PLA2G4D: variants seen among roughly 807,000 people sequenced by gnomAD.
The protein encoded by PLA2G4D is phospholipase A2 group IVD.
In PLA2G4D, 80 loss-of-function variants were observed where a neutral mutation model predicts 94.4. That is an observed-to-expected ratio of 0.85 (90% CI 0.71 to 1.02). PLA2G4D has a LOEUF of 1.02. Among genes scored for constraint, PLA2G4D ranks in the 50% least tolerant of loss-of-function variants. PLA2G4D has a pLI of 0.00. For missense variants in PLA2G4D, 1,050 were observed against 1,034.7 expected, an observed-to-expected ratio of 1.01 and a Z score of -0.20; for synonymous variants, 438 against 440.9, an observed-to-expected ratio of 0.99 and a Z score of 0.08.
In PLA2G4D at chr15:42,082,317, T is replaced by C; in HGVS notation, c.745A>G (p.Ile249Val). The C allele has an allele frequency of 1.2e-6, 2 of 1,614,140 alleles. No homozygotes were observed. Among genetic ancestry groups the C allele is most frequent in the Non-Finnish European group, 1.7e-6 (2 of 1,180,002 alleles). The change falls in exon 9 of 20, where the codon ATT becomes GTT. Residue 249 changes from isoleucine (I) to valine (V), a missense_variant. Transcript: ENST00000290472. ...YLTVPLRPLT[I>V]GKEVTMDVPA... ...ACATCCATAGTCACCTCCTTCCCAA[T>C]GGTCAAGGGCCTCAGGGGCACAGTG...
intron 18 of PLA2G4D, 117 bp downstream of exon 18, chr15:42,070,600 A>T: frequency 7.9e-7 from 1 of 1,272,224 alleles, no homozygotes; most frequent in South Asian, 1.5e-5. Flanking sequence ...AAGGCCTGAC[A>T]CCTCTCCTTC....
At chr15:42,070,251 C>T (rs1889777533) in intron 18 of PLA2G4D, 156 bp from the exon 19 acceptor site, 1 of 695,216 alleles carries the variant, frequency 1.4e-6, no homozygotes, top group Non-Finnish European at 2.2e-6. Flanking sequence ...GAGGGAGACC[C>T]AGGGGGAGTC....
chr15:42,072,227 A>T, intron 14 of PLA2G4D, 48 bp downstream of exon 14: 1 of 1,495,712 alleles, frequency 6.7e-7, no homozygotes, highest in Middle Eastern at 1.8e-4. Flanking sequence ...CGGGGTGCAG[A>T]GGGTTTGGGG....
At position 42,081,492 on chromosome 15, in the gene PLA2G4D, A is replaced by G; in HGVS notation, c.944T>C (p.Leu315Pro). ...GCACCCCCAGACCTCATCCTCCTGC[A>G]GGTCTCTGTCCAGCTGCAGGGCCTG... ...LKQALQLDRD[L>P]QEDEVPVVGI... is the part of the protein sequence containing the mutation. The change falls in exon 11 of 20, where the codon CTG becomes CCG. Residue 315 changes from leucine to proline, a missense_variant. Physicochemically the swap from Leu to Pro is moderately conservative, Grantham distance 98 (BLOSUM62 -3). Coordinates refer to ENST00000290472, the MANE Select transcript of PLA2G4D (RefSeq NM_178034.4). The G allele has an allele frequency of 6.2e-7, 1 of 1,613,896 alleles. No individual in the cohort carries two copies. The highest frequency in any genetic ancestry group is 8.5e-7 in the Non-Finnish European group (1 of 1,179,868).
chr15:42,070,340 C>G, intron 18 of PLA2G4D: 1 of 523,432 alleles, frequency 1.9e-6, no homozygotes, highest in South Asian at 2.9e-5. Flanking sequence ...CCCCCCAAAA[C>G]CCCAATTCTG....
intron 13 of PLA2G4D, among the ~76,000 whole-genome samples, chr15:42,074,685 A>T (rs1889885239): frequency 6.6e-6 from 1 of 152,200 alleles, no homozygotes; most frequent in Non-Finnish European, 1.5e-5. Flanking sequence ...AAATGGAGTT[A>T]TATATTCTGA....
chr15:42,088,982 G>GA (rs1279661900), intron 1 of PLA2G4D, among the ~76,000 whole-genome samples: 4 of 152,150 alleles, frequency 2.6e-5, no homozygotes, highest in African/African-American at 9.7e-5. Context: ...CTTCATTCCA[G>GA]AAAAAAACCC....
intron 13 of PLA2G4D, 103 bp from the exon 14 acceptor site, chr15:42,072,495 G>T: frequency 1.1e-6 from 1 of 873,970 alleles, no homozygotes; most frequent in South Asian, 1.5e-5. Flanking sequence ...TGGGGGTGAG[G>T]AGGCAGCTCC....
At chr15:42,076,671 C>G (rs931572055) in intron 13 of PLA2G4D, among the ~76,000 whole-genome samples, 3 of 152,138 alleles carry the variant, frequency 2.0e-5, no homozygotes, top group Non-Finnish European at 4.4e-5. Context: ...ATAAATGTTC[C>G]TTTCACACCC....
At chr15:42,091,348 C>A (rs1219300841) in intron 1 of PLA2G4D, among the ~76,000 whole-genome samples, 1 of 152,216 alleles carries the variant, frequency 6.6e-6, no homozygotes, top group East Asian at 1.9e-4. Context: ...ATAATCATAA[C>A]CTAGGAAAAA....
intron 1 of PLA2G4D, among the ~76,000 whole-genome samples, chr15:42,091,024 C>A (rs1029011488): frequency 1.3e-5 from 2 of 152,126 alleles, no homozygotes; most frequent in South Asian, 2.1e-4. Flanking sequence ...ATTGCCCTGG[C>A]GGCCTGTCAT....
intron 18 of PLA2G4D, 33 bp downstream of exon 18, chr15:42,070,684 G>A: frequency 6.5e-7 from 1 of 1,545,024 alleles, no homozygotes; most frequent in Non-Finnish European, 8.8e-7. Flanking sequence ...GGCCTGGCTG[G>A]GCAGAGGGGT....
intron 1 of PLA2G4D, among the ~76,000 whole-genome samples, chr15:42,093,755 A>G (rs551879149): frequency 6.6e-6 from 1 of 152,314 alleles, no homozygotes; most frequent in African/African-American, 2.4e-5. Flanking sequence ...AGGTCTGCAT[A>G]TGAGGCAAAG....
chr15:42,067,399 A>T lies in PLA2G4D; in HGVS notation c.*1316T>A, dbSNP rs1489711481. 1 of 152,238 alleles carries T rather than the reference A, an allele frequency of 6.6e-6. No homozygotes were observed. Among genetic ancestry groups the T allele is most frequent in the East Asian group, 1.9e-4 (1 of 5,180 alleles). 9.4% of individuals were successfully genotyped at this position (152,238 alleles called of 1,614,324 possible). A position where few individuals can be genotyped will look rare whatever the true frequency, so the allele number is the denominator to read the frequency against. ...AAAAACCATTTTTTTAATTTAGCCA[A>T]GTATGGTGTTACATGCCTGTAGTCC... is the stretch of plus-strand genomic sequence containing the variant. On this transcript the variant is annotated 3_prime_UTR_variant, in exon 20 of 20. Transcript: ENST00000290472.
intron 3 of PLA2G4D, 120 bp from the exon 4 acceptor site, chr15:42,086,464 C>T (rs1303547072): frequency 3.0e-5 from 27 of 911,656 alleles, no homozygotes; most frequent in South Asian, 9.5e-5. Context: ...CACACGTCTG[C>T]GCTTCAAAAT....
At chr15:42,092,590 A>G (rs151150594) in intron 1 of PLA2G4D, among the ~76,000 whole-genome samples, 1 of 152,106 alleles carries the variant, frequency 6.6e-6, no homozygotes, top group African/African-American at 2.4e-5. Context: ...TACCTCCTTA[A>G]TTGATGACTA....
In PLA2G4D at chr15:42,070,767, T is replaced by G; in HGVS notation, c.1993A>C (p.Arg665=). The G allele has an allele frequency of 6.3e-7, 1 of 1,588,900 alleles. No individual in the cohort carries two copies. The highest frequency in any genetic ancestry group is 8.6e-7 in the Non-Finnish European group (1 of 1,166,792). ...TCGAAGGAGAGGATGAGGTCCAGCC[T>G]GCGGCCTGGCCGGAACATGGAGGGA... is the stretch of plus-strand genomic sequence containing the variant. The part of the protein sequence containing the change: ...SSPSMFRPGR[R]LDLILSFDYS... The change falls in exon 18 of 20, where the codon AGG becomes CGG. Residue 665 remains arginine (R), a synonymous_variant. Coordinates refer to ENST00000290472, the MANE Select transcript of PLA2G4D (RefSeq NM_178034.4).
Position 42,081,100 on chromosome 15 carries a change from C to A in PLA2G4D, c.991G>T (p.Gly331Cys), listed in dbSNP as rs775943955. The part of the protein sequence containing the change: ...PVVGIMATGG[G>C]ARAMTSLYGH... ...TAGAGTGAGGTCATGGCCCGGGCACCTCCTCCTGTGGCCATGATGCCCACA... is the reference window on the plus strand; with the variant it reads ...TAGAGTGAGGTCATGGCCCGGGCACATCCTCCTGTGGCCATGATGCCCACA... The change falls in exon 12 of 20, where the codon GGT becomes TGT. Residue 331 changes from glycine to cysteine, a missense_variant. Physicochemically the swap from Gly to Cys is radical, Grantham distance 159. Coordinates refer to ENST00000290472, the MANE Select transcript of PLA2G4D (RefSeq NM_178034.4). 6.2e-7 allele frequency: 1 copy of A among 1,614,198 alleles called. No homozygotes were observed. The highest frequency in any genetic ancestry group is 2.2e-5 in the East Asian group (1 of 44,890).
rs749705875 is a variant in PLA2G4D at position 42,083,352 on chromosome 15, G to C, written c.536-18C>G. 6.2e-7 allele frequency: 1 copy of C among 1,605,780 alleles called. No homozygotes were observed. The highest frequency in any genetic ancestry group is 2.2e-5 in the East Asian group (1 of 44,832). On this transcript the variant is annotated intron_variant, in intron 7 of 19. Coordinates refer to ENST00000290472, the MANE Select transcript of PLA2G4D (RefSeq NM_178034.4). ...GTCCTGATCTAGGGAGAGAGTAGGC[G>C]GGTTAGCATGAGAACAAGAGCCCGG...
Sources: allele counts gnomAD v4.1 joint callset (sites outside exome capture counted in the v4.1 genomes callset), GRCh38; gene constraint gnomAD v4.1.1; transcripts MANE v1.5; gene names NCBI Gene and HGNC (gene_info 2026-07-23, HGNC 2026-07-21).